The following ACSL1 variants were observed in gnomAD, a reference collection of about 807,000 sequenced individuals.
ACSL1 encodes the protein long-chain-fatty-acid--CoA ligase 1.
In ACSL1, 41 loss-of-function variants were observed where a neutral mutation model predicts 98.4. The observed-to-expected ratio is 0.42, with a 90% CI of 0.32 to 0.54. The LOEUF (loss-of-function observed/expected upper bound fraction) is 0.54. Ranked by LOEUF, ACSL1 falls within the 20% of genes least tolerant of loss-of-function variation. The pLI is 0.13. For synonymous variants in ACSL1, 316 were observed against 322.7 expected (o/e 0.98, Z 0.22); for missense variants, 734 against 883.1 (o/e 0.83, Z 2.14).
chr4:184,804,545 C>T (rs1771084304), intron 1 of ACSL1, among the ~76,000 whole-genome samples: 1 of 150,484 alleles, frequency 6.6e-6, no homozygotes, highest in South Asian at 2.1e-4. Context: ...CGTGCCACTG[C>T]ACTCCAATCT....
chr4:184,769,610 G>T (rs2150306981), intron 11 of ACSL1, among the ~76,000 whole-genome samples: 1 of 152,324 alleles, frequency 6.6e-6, no homozygotes, highest in East Asian at 1.9e-4. Flanking sequence ...AGGAACAGAT[G>T]GCAGATGGGA....
chr4:184,821,422 C>A, intron 1 of ACSL1: 2 of 176,048 alleles, frequency 1.1e-5, no homozygotes, highest in South Asian at 1.9e-4. Context: ...TATCAGAAGT[C>A]CCCTCCAGAA....
At chr4:184,765,831 T>G in intron 14 of ACSL1, 60 bp downstream of exon 14, 1 of 1,466,496 alleles carries the variant, frequency 6.8e-7, no homozygotes, top group South Asian at 1.2e-5. Context: ...TGACTTTTGG[T>G]GCAGAAGAGG....
In ACSL1 at chr4:184,773,176, G is replaced by A; in HGVS notation, c.842-22C>T. Reference sequence around the variant, plus strand: ...TTGCCTGTGGAGCACATATGAAGCAGAACAAAGTTAAAGAATGACAGAAAT... The same window carrying A: ...TTGCCTGTGGAGCACATATGAAGCAAAACAAAGTTAAAGAATGACAGAAAT... On this transcript the variant is annotated intron_variant, in intron 9 of 20. Transcript: ENST00000281455. This position sits in a 1 kb window ranked among gnomAD's most constrained non-coding sequence, Gnocchi z 4.3. 2 of 1,600,854 alleles carry A rather than the reference G, an allele frequency of 1.2e-6. No individual in the cohort carries two copies. The highest frequency in any genetic ancestry group is 1.7e-6 in the Non-Finnish European group (2 of 1,168,494).
intron 11 of ACSL1, 111 bp from the exon 12 acceptor site, chr4:184,768,561 T>A: frequency 6.9e-7 from 1 of 1,456,608 alleles, no homozygotes; most frequent in Non-Finnish European, 9.2e-7. Context: ...TTTCCAGAAA[T>A]CTTAAATTTC....
chr4:184,768,250 A>G, intron 12 of ACSL1, 66 bp downstream of exon 12: 1 of 1,537,364 alleles, frequency 6.5e-7, no homozygotes, highest in Non-Finnish European at 8.8e-7. Flanking sequence ...GCACAGCCCA[A>G]TTCAAGCCCA....
intron 1 of ACSL1, chr4:184,808,345 G>C (rs1000742295): frequency 2.0e-6 from 2 of 985,236 alleles, no homozygotes; most frequent in Non-Finnish European, 2.4e-6. Flanking sequence ...GGGTGGTCTG[G>C]ATGTTTCTCT....
chr4:184,764,622 T>C (rs1042004303), intron 15 of ACSL1, among the ~76,000 whole-genome samples: 17 of 152,182 alleles, frequency 1.1e-4, no homozygotes, highest in Non-Finnish European at 2.5e-4. Flanking sequence ...AAGTCTCTGC[T>C]GCCACCAGCT....
At chr4:184,814,055 C>T (rs1461971948) in intron 1 of ACSL1, 4 of 353,674 alleles carry the variant, frequency 1.1e-5, no homozygotes, top group African/African-American at 2.1e-5. Context: ...CTTAGAGAGG[C>T]CGAGGCGGGT....
At chr4:184,784,711 A>G (rs1766917166) in intron 3 of ACSL1, among the ~76,000 whole-genome samples, 2 of 152,186 alleles carry the variant, frequency 1.3e-5, no homozygotes, top group Non-Finnish European at 2.9e-5. Flanking sequence ...TGAGGACCTA[A>G]GGAAGTAGGA....
rs1432931366 is a variant in ACSL1 at position 184,773,802 on chromosome 4, C to T, written c.789+41G>A. Reference sequence around the variant, plus strand: ...AAGGTACCAGGCTAGATATTGAAAACTACAAAGAGGACAGAGCAGGGTCTG... The same window carrying T: ...AAGGTACCAGGCTAGATATTGAAAATTACAAAGAGGACAGAGCAGGGTCTG... On this transcript the variant is annotated intron_variant, in intron 8 of 20. Transcript: ENST00000281455. This position sits in a 1 kb window ranked among gnomAD's most constrained non-coding sequence, Gnocchi z 4.3. The T allele has an allele frequency of 1.2e-6, 2 of 1,613,582 alleles. No individual in the cohort carries two copies. Among genetic ancestry groups the T allele is most frequent in the Non-Finnish European group, 8.5e-7 (1 of 1,179,784 alleles).
intron 1 of ACSL1, among the ~76,000 whole-genome samples, chr4:184,819,124 G>A (rs555377682): frequency 1.4e-3 from 217 of 149,980 alleles, no homozygotes; most frequent in Non-Finnish European, 2.1e-3. Context: ...CATGGGCATC[G>A]TACCATTTAG....
At chr4:184,768,489 C>T in intron 11 of ACSL1, 39 bp from the exon 12 acceptor site, 1 of 1,591,512 alleles carries the variant, frequency 6.3e-7, no homozygotes, top group Admixed American at 1.9e-5. Context: ...TTTATCACCA[C>T]AGCAGGGGTT....
At chr4:184,775,613 A>G (rs1033585930) in intron 7 of ACSL1, among the ~76,000 whole-genome samples, 8 of 152,158 alleles carry the variant, frequency 5.3e-5, no homozygotes, top group Non-Finnish European at 1.2e-4. Flanking sequence ...TGCACAAGAG[A>G]GAAGGTTCTG....
intron 3 of ACSL1, among the ~76,000 whole-genome samples, chr4:184,785,297 T>C (rs1294698817): frequency 1.3e-5 from 2 of 152,216 alleles, no homozygotes; most frequent in African/African-American, 4.8e-5. Flanking sequence ...ACCCAGGCTC[T>C]AGAATTTTTT....
At chr4:184,781,767 A>G (rs1377946192) in intron 4 of ACSL1, among the ~76,000 whole-genome samples, 1 of 151,346 alleles carries the variant, frequency 6.6e-6, no homozygotes, top group African/African-American at 2.4e-5. Flanking sequence ...CTGCCACCAC[A>G]CTCAGCTGAT....
In ACSL1 at chr4:184,785,600, CGGG is replaced by C. The variant is rs1174393165; in HGVS notation, c.311-1612_311-1610del. 2.9e-3 allele frequency among the ~76,000 whole-genome samples: 55 copies of C among 19,190 alleles called. 4 individuals are homozygous for C. Among genetic ancestry groups the C allele is most frequent in the Middle Eastern group, 0.059 (2 of 34 alleles). The allele number at this position is 19,190 out of a possible 152,430, so 12.6% of individuals were successfully genotyped here. On this transcript the variant is annotated intron_variant, in intron 3 of 20. Coordinates refer to ENST00000281455, the MANE Select transcript of ACSL1 (RefSeq NM_001995.5). ...CTTAGAATAAAAAGATCCTCCTGGG[CGGG>C]GGCGGGGGGGGGGGGGGGAAGGAAG...
chr4:184,804,806 A>T (rs1771145994), intron 1 of ACSL1, among the ~76,000 whole-genome samples: 1 of 152,200 alleles, frequency 6.6e-6, no homozygotes, highest in African/African-American at 2.4e-5. Context: ...AAAGTGCTCA[A>T]AAATATTAGA....
At position 184,763,144 on chromosome 4, in the gene ACSL1, A is replaced by G. The variant is rs779295849; in HGVS notation, c.1521+23T>C. Reference sequence around the variant, plus strand: ...ATCACAGGAAATGGCAGCGAGGGAAAATGACTGACGGTTTTCACTCACCTC... The same window carrying G: ...ATCACAGGAAATGGCAGCGAGGGAAGATGACTGACGGTTTTCACTCACCTC... On this transcript the variant is annotated intron_variant, in intron 16 of 20. Transcript: ENST00000281455. 5 of 1,610,474 alleles carry G rather than the reference A, an allele frequency of 3.1e-6. No homozygotes were observed. In the South Asian group the frequency reaches 5.5e-5, roughly 18 times the overall value.
Sources: allele counts gnomAD v4.1 joint callset (sites outside exome capture counted in the v4.1 genomes callset), GRCh38; gene constraint gnomAD v4.1.1; non-coding constraint Gnocchi (gnomAD v3.1); transcripts MANE v1.5; gene names NCBI Gene and HGNC (gene_info 2026-07-23, HGNC 2026-07-21).